LLGL1: variants seen among roughly 807,000 people sequenced by gnomAD.
LLGL1 encodes the protein LLGL scribble cell polarity complex component 1, also known as lethal(2) giant larvae protein homolog 1.
Under a neutral mutation model 110.6 loss-of-function variants are expected in LLGL1, and 58 were observed. That is an observed-to-expected ratio of 0.52 (90% confidence interval 0.42 to 0.65). The LOEUF (loss-of-function observed/expected upper bound fraction) is 0.65, where lower values mean the gene tolerates loss of function less well. Ranked by LOEUF, LLGL1 falls within the 30% of genes least tolerant of loss-of-function variation. The pLI is 0.00. For missense variants in LLGL1, 1,229 were observed against 1,462.1 expected (o/e 0.84, Z 2.60); for synonymous variants, 674 against 607.2 (o/e 1.11, Z -1.62).
In LLGL1 at chr17:18,232,570, C is replaced by T. The variant is rs551770657; in HGVS notation, c.255C>T (p.Thr85=). 8.7e-6 allele frequency: 14 copies of T among 1,614,074 alleles called. No individual in the cohort carries two copies. The highest frequency in any genetic ancestry group is 4.5e-5 in the East Asian group (2 of 44,884). Residue 85 remains threonine, a synonymous_variant, in exon 3 of 23, where the codon ACC becomes ACT. Coordinates refer to ENST00000316843, the MANE Select transcript of LLGL1 (RefSeq NM_004140.4). Reference sequence around the variant, plus strand: ...CTGTCACACAGATGCACTTCTTGACCGGCCAGGTGAGCCTCTGCTTCCCAC... The same window carrying T: ...CTGTCACACAGATGCACTTCTTGACTGGCCAGGTGAGCCTCTGCTTCCCAC... ...AATVTQMHFL[T]GQGRLLSLLD...
At chr17:18,231,200 A>G (rs1289541117) in intron 2 of LLGL1, among the ~76,000 whole-genome samples, 1 of 152,078 alleles carries the variant, frequency 6.6e-6, no homozygotes, top group Non-Finnish European at 1.5e-5. Context: ...CCTGACTGCC[A>G]CTGCCTGGAG....
Position 18,237,464 on chromosome 17 carries a change from C to A in LLGL1, c.1612-17C>A. 1.3e-6 allele frequency: 2 copies of A among 1,558,742 alleles called. No homozygotes were observed. Among genetic ancestry groups the A allele is most frequent in the African/African-American group, 1.3e-5 (1 of 74,108 alleles). ...CTCCCCTGCGCTGATGCTCCCCCTG[C>A]CTGGCTGTGGGCTCAGGTGCTGGTA... On this transcript the variant is annotated splice_polypyrimidine_tract_variant and intron_variant, in intron 13 of 22. Coordinates refer to ENST00000316843, the MANE Select transcript of LLGL1 (RefSeq NM_004140.4).
Position 18,242,201 on chromosome 17 carries a change from C to T in LLGL1, c.2918C>T (p.Ala973Val). 1.2e-6 allele frequency: 2 copies of T among 1,614,072 alleles called. No homozygotes were observed. ...CGAGAGTCACCCAAGCTGAGCCAGG[C>T]TAACGGGACCCCAAGCATCCTGCTG... ...RIRESPKLSQ[A>V]NGTPSILLAP... The change falls in exon 20 of 23, where the codon GCT (alanine) becomes GTT (valine). Residue 973 changes from alanine (A) to valine (V), a missense_variant. Physicochemically the swap from Ala to Val is moderately conservative, Grantham distance 64. Transcript: ENST00000316843.
rs370163695 is a variant in LLGL1 at position 18,244,810 on chromosome 17, C to A, written c.*904C>A. 4 of 341,646 alleles carry A rather than the reference C, an allele frequency of 1.2e-5. No individual in the cohort carries two copies. In the Admixed American group the frequency reaches 1.4e-4, roughly 12 times the overall value. The allele number at this position is 341,646 out of a possible 1,614,324, so 21.2% of individuals were successfully genotyped here. A position where few individuals can be genotyped will look rare whatever the true frequency, so the allele number is the denominator to read the frequency against. On this transcript the variant is annotated 3_prime_UTR_variant, in exon 23 of 23. Coordinates refer to ENST00000316843, the MANE Select transcript of LLGL1 (RefSeq NM_004140.4). Reference sequence around the variant, plus strand: ...TTTTCTGTCGTTTTGTTAAAATTAGCGCCATTTTAATATTAAAAATACTGA... The same window carrying A: ...TTTTCTGTCGTTTTGTTAAAATTAGAGCCATTTTAATATTAAAAATACTGA...
intron 22 of LLGL1, among the ~76,000 whole-genome samples, chr17:18,243,200 T>C (rs2047889151): frequency 1.3e-5 from 2 of 152,156 alleles, no homozygotes; most frequent in East Asian, 3.9e-4. Flanking sequence ...CTCTGCCTCC[T>C]GGGTTCATGC....
Position 18,240,837 on chromosome 17 carries a change from T to G in LLGL1, c.2466T>G (p.Gly822=). 1 of 1,560,834 alleles carries G rather than the reference T, an allele frequency of 6.4e-7. No individual in the cohort carries two copies. Among genetic ancestry groups the G allele is most frequent in the Non-Finnish European group, 8.7e-7 (1 of 1,149,474 alleles). The change falls in exon 17 of 23, where the codon GGT becomes GGG. Residue 822 remains glycine, a synonymous_variant. Transcript: ENST00000316843. The surrounding 1 kb of genome is among the most constrained non-coding windows in gnomAD (Gnocchi z 5.3). The stretch of plus-strand genomic sequence containing the variant: ...CGCAGGCACCTGACATGCAGGGTGG[T>G]CACGCTGTGCTCATCGCATCTGAGG... The part of the protein sequence containing the change: ...DLAQAPDMQG[G]HAVLIASEEQ...
rs1597877934 is a variant in LLGL1 at position 18,240,500 on chromosome 17, A to T, written c.2207-78A>T. 1.4e-6 allele frequency: 2 copies of T among 1,446,880 alleles called. No homozygotes were observed. The highest frequency in any genetic ancestry group is 2.3e-5 in the East Asian group (1 of 43,466). 89.6% of individuals were successfully genotyped at this position (1,446,880 alleles called of 1,614,324 possible). A position where few individuals can be genotyped will look rare whatever the true frequency, so the allele number is the denominator to read the frequency against. On this transcript the variant is annotated intron_variant, in intron 16 of 22. Coordinates refer to ENST00000316843, the MANE Select transcript of LLGL1 (RefSeq NM_004140.4). The surrounding 1 kb of genome is among the most constrained non-coding windows in gnomAD (Gnocchi z 5.3). ...AGGGCTACAAGAGAGGCAGGGAGGGACCTGCAGTCTGTGGGAAGACCCCAG... is the reference window on the plus strand; with the variant it reads ...AGGGCTACAAGAGAGGCAGGGAGGGTCCTGCAGTCTGTGGGAAGACCCCAG...
rs535891405 is a variant in LLGL1 at position 18,225,676 on chromosome 17, G to C, written c.-7G>C. On this transcript the variant is annotated 5_prime_UTR_variant, in exon 1 of 23. Transcript: ENST00000316843. ...CGGCGGGCGAGGCGCCTGCAGCCGG[G>C]CGCAAGATGATGAAGTTTCGGTTCC... is the stretch of plus-strand genomic sequence containing the variant. 25,018 of 1,013,984 alleles carry C rather than the reference G, an allele frequency of 0.025. 347 individuals are homozygous for C. The highest frequency in any genetic ancestry group is 0.027 in the Non-Finnish European group (22,973 of 844,124). 62.8% of individuals were successfully genotyped at this position (1,013,984 alleles called of 1,614,324 possible).
At position 18,240,323 on chromosome 17, in the gene LLGL1, G is replaced by A. The variant is rs1035454313; in HGVS notation, c.2207-255G>A. Among the ~76,000 whole-genome samples the A allele has an allele frequency of 2.0e-5, 3 of 152,156 alleles. No individual in the cohort carries two copies. The highest frequency in any genetic ancestry group is 2.9e-5 in the Non-Finnish European group (2 of 68,020). ...CATTCTGTGCAGATGCGCTACAGCTGTTCGGGCCTCTGCAGGAGGGCTGCA... is the reference window on the plus strand; with the variant it reads ...CATTCTGTGCAGATGCGCTACAGCTATTCGGGCCTCTGCAGGAGGGCTGCA... On this transcript the variant is annotated intron_variant, in intron 16 of 22. Coordinates refer to ENST00000316843, the MANE Select transcript of LLGL1 (RefSeq NM_004140.4). The surrounding 1 kb of genome is among the most constrained non-coding windows in gnomAD (Gnocchi z 5.3).
In LLGL1 at chr17:18,238,105, G is replaced by A. The variant is rs1397470665; in HGVS notation, c.1943G>A (p.Gly648Asp). 1 of 1,613,688 alleles carries A rather than the reference G, an allele frequency of 6.2e-7. No homozygotes were observed. Among genetic ancestry groups the A allele is most frequent in the Non-Finnish European group, 8.5e-7 (1 of 1,180,002 alleles). The change falls in exon 15 of 23, where the codon GGT becomes GAT. Residue 648 changes from glycine to aspartate, a missense_variant. By Grantham distance (94) the Gly-to-Asp change is moderately conservative. Coordinates refer to ENST00000316843, the MANE Select transcript of LLGL1 (RefSeq NM_004140.4). ...CCCAATGACTCCCTGGCCATGGAGG[G>A]TCCGCTCTCCCGGGTGAAGTCTCTC... is the stretch of plus-strand genomic sequence containing the variant. ...LHPNDSLAME[G>D]PLSRVKSLKK...
intron 16 of LLGL1, among the ~76,000 whole-genome samples, chr17:18,239,274 G>GAT (rs1431644500): frequency 6.6e-6 from 1 of 152,156 alleles, no homozygotes; most frequent in Non-Finnish European, 1.5e-5. Context: ...GGTTCAGGGA[G>GAT]ATACTGCTGC....
At chr17:18,239,613 A>G (rs1304085724) in intron 16 of LLGL1, among the ~76,000 whole-genome samples, 2 of 152,070 alleles carry the variant, frequency 1.3e-5, no homozygotes, top group Non-Finnish European at 2.9e-5. Context: ...GCCCTGTAGA[A>G]CCAATGTGAA....
At chr17:18,238,852 A>T (rs2047757052) in intron 16 of LLGL1, among the ~76,000 whole-genome samples, 2 of 152,160 alleles carry the variant, frequency 1.3e-5, no homozygotes, top group Non-Finnish European at 2.9e-5. Context: ...CTCTACTAAA[A>T]ATACAAAAAT....
At position 18,241,935 on chromosome 17, in the gene LLGL1, C is replaced by G. The variant is rs757193789; in HGVS notation, c.2818C>G (p.Arg940Gly). 2 of 1,614,022 alleles carry G rather than the reference C, an allele frequency of 1.2e-6. No individual in the cohort carries two copies. Among genetic ancestry groups the G allele is most frequent in the Admixed American group, 1.7e-5 (1 of 60,004 alleles). The change falls in exon 19 of 23, where the codon CGG becomes GGG. Residue 940 changes from arginine to glycine, a missense_variant. By Grantham distance (125) the Arg-to-Gly change is moderately radical (BLOSUM62 -2). Transcript: ENST00000316843. ...ATTTGAACGCTTCTCCCTAAGTGCC[C>G]GGAACATCACAGAGCCGCTCTGCTC... ...SEFERFSLSA[R>G]NITEPLCSLD...
intron 2 of LLGL1, among the ~76,000 whole-genome samples, chr17:18,230,406 G>A (rs1447881867): frequency 6.6e-6 from 1 of 152,172 alleles, no homozygotes; most frequent in Non-Finnish European, 1.5e-5. Flanking sequence ...TGGGCTGGGG[G>A]CCCTGGTGAG....
chr17:18,234,988 A>G lies in LLGL1; in HGVS notation c.1055A>G (p.Glu352Gly). 6.2e-7 allele frequency: 1 copy of G among 1,613,822 alleles called. No individual in the cohort carries two copies. The highest frequency in any genetic ancestry group is 2.2e-5 in the East Asian group (1 of 44,874). The change falls in exon 9 of 23, where the codon GAG (glutamate) becomes GGG (glycine). Residue 352 changes from glutamate to glycine, a missense_variant. By Grantham distance (98) the Glu-to-Gly change is moderately conservative (BLOSUM62 -2). Coordinates refer to ENST00000316843, the MANE Select transcript of LLGL1 (RefSeq NM_004140.4). ...TTCACAGTGCACAGCACACGGCCCGAGGATGGTGCGTGCCCTGCCGTACCC... is the reference window on the plus strand; with the variant it reads ...TTCACAGTGCACAGCACACGGCCCGGGGATGGTGCGTGCCCTGCCGTACCC... ...DFFTVHSTRP[E>G]DEFDDPQALA...
rs2047796329 is a variant in LLGL1 at position 18,240,193 on chromosome 17, T to C, written c.2207-385T>C. ...GGTGGAGAGAGGAGTCGGGGTCTTG[T>C]GGGGCTTGGGGCCTGAGTGATGCTA... On this transcript the variant is annotated intron_variant, in intron 16 of 22. Transcript: ENST00000316843. The surrounding 1 kb of genome is among the most constrained non-coding windows in gnomAD (Gnocchi z 5.3). 6.6e-6 allele frequency among the ~76,000 whole-genome samples: 1 copy of C among 151,854 alleles called. No individual in the cohort carries two copies. The highest frequency in any genetic ancestry group is 1.5e-5 in the Non-Finnish European group (1 of 67,948).
chr17:18,229,831 C>G (rs1007570328), intron 1 of LLGL1, 110 bp from the exon 2 acceptor site: 15 of 689,642 alleles, frequency 2.2e-5, no homozygotes, highest in South Asian at 1.0e-4. Context: ...CCTCCTACCC[C>G]CAGTGTGTCA....
chr17:18,237,476 C>T lies in LLGL1; in HGVS notation c.1612-5C>T. 1.3e-6 allele frequency: 2 copies of T among 1,571,698 alleles called. No individual in the cohort carries two copies. The highest frequency in any genetic ancestry group is 1.7e-6 in the Non-Finnish European group (2 of 1,154,660). On this transcript the variant is annotated splice_region_variant and splice_polypyrimidine_tract_variant and intron_variant, in intron 13 of 22. Transcript: ENST00000316843. ...GATGCTCCCCCTGCCTGGCTGTGGG[C>T]TCAGGTGCTGGTACTGGAGCTTAGT...
Sources: allele counts gnomAD v4.1 joint callset (sites outside exome capture counted in the v4.1 genomes callset), GRCh38; gene constraint gnomAD v4.1.1; non-coding constraint Gnocchi (gnomAD v3.1); transcripts MANE v1.5; gene names NCBI Gene and HGNC (gene_info 2026-07-23, HGNC 2026-07-21).